CCDC148: variants seen among roughly 807,000 people sequenced by gnomAD.
CCDC148 encodes coiled-coil domain containing 148.
Under a neutral mutation model 85.7 loss-of-function variants are expected in CCDC148, and 89 were observed. The observed-to-expected ratio is 1.04, with a 90% confidence interval of 0.87 to 1.24. The LOEUF (loss-of-function observed/expected upper bound fraction) is 1.24. CCDC148 is among the 50% of genes most tolerant of loss of function. The probability of loss-of-function intolerance (pLI) is 0.00; values close to 1 mark genes in which losing one functional copy is unlikely to be tolerated. For synonymous variants in CCDC148, 230 were observed against 213.9 expected (o/e 1.08, Z -0.66); for missense variants, 692 against 671.7 (o/e 1.03, Z -0.33).
chr2:158,421,651 G>T (rs1686789048), intron 1 of CCDC148, among the ~76,000 whole-genome samples: 1 of 151,876 alleles, frequency 6.6e-6, no homozygotes. Flanking sequence ...GATTTGAAAT[G>T]GACACCCTAA....
At chr2:158,340,130 T>C (rs929386607) in intron 5 of CCDC148, 112 bp downstream of exon 5, 2 of 738,616 alleles carry the variant, frequency 2.7e-6, no homozygotes, top group Non-Finnish European at 4.1e-6. Flanking sequence ...ATTATTTATG[T>C]ATTAATATTA....
At chr2:158,350,606 A>G (rs1245760255) in intron 2 of CCDC148, among the ~76,000 whole-genome samples, 1 of 152,228 alleles carries the variant, frequency 6.6e-6, no homozygotes, top group Non-Finnish European at 1.5e-5. Flanking sequence ...AAAAGTATCT[A>G]TGCTTGAAGT....
chr2:158,289,238 T>A (rs537856941), intron 9 of CCDC148, among the ~76,000 whole-genome samples: 1 of 152,138 alleles, frequency 6.6e-6, no homozygotes, highest in Non-Finnish European at 1.5e-5. Flanking sequence ...TACATAAAAA[T>A]TGTAAATGTT....
chr2:158,264,356 A>G (rs997473782), intron 9 of CCDC148, among the ~76,000 whole-genome samples: 1 of 152,102 alleles, frequency 6.6e-6, no homozygotes, highest in Non-Finnish European at 1.5e-5. Flanking sequence ...GAGACCAAGA[A>G]TGGAATGTGA....
At chr2:158,421,615 A>C (rs563413832) in intron 1 of CCDC148, among the ~76,000 whole-genome samples, 1 of 152,352 alleles carries the variant, frequency 6.6e-6, no homozygotes, top group East Asian at 1.9e-4. Flanking sequence ...TTATAGCACT[A>C]AATGCCCACA....
intron 7 of CCDC148, among the ~76,000 whole-genome samples, chr2:158,327,471 A>G (rs1283410866): frequency 6.6e-6 from 1 of 152,180 alleles, no homozygotes; most frequent in African/African-American, 2.4e-5. Flanking sequence ...TGATCACATG[A>G]GCAACGTGAA....
chr2:158,258,053 C>T (rs1307117925), intron 9 of CCDC148, among the ~76,000 whole-genome samples: 1 of 151,794 alleles, frequency 6.6e-6, no homozygotes, highest in Non-Finnish European at 1.5e-5. Context: ...ATTAAGAGGA[C>T]TAGATCAGTA....
chr2:158,398,918 A>T (rs1318704148), intron 1 of CCDC148, among the ~76,000 whole-genome samples: 3 of 152,218 alleles, frequency 2.0e-5, no homozygotes, highest in African/African-American at 7.2e-5. Flanking sequence ...AATCAAATAG[A>T]CACAACAAAA....
At chr2:158,431,527 G>A (rs1330530328) in intron 1 of CCDC148, among the ~76,000 whole-genome samples, 1 of 150,598 alleles carries the variant, frequency 6.6e-6, no homozygotes, top group African/African-American at 2.4e-5. Context: ...TCCTACACAC[G>A]CTGTGAAATA....
Position 158,338,706 on chromosome 2 carries a change from A to T in CCDC148, c.764+20T>A. The T allele has an allele frequency of 6.4e-7, 1 of 1,564,622 alleles. No individual in the cohort carries two copies. The highest frequency in any genetic ancestry group is 2.2e-5 in the East Asian group (1 of 44,482). On this transcript the variant is annotated intron_variant, in intron 7 of 13. Coordinates refer to ENST00000283233, the MANE Select transcript of CCDC148 (RefSeq NM_138803.4). ...AGTTAGTGTCAAAAGTCTACACAGG[A>T]CTCAGTTTTATCTTATCACCTGTAT...
At chr2:158,319,848 G>A (rs1692444646) in intron 7 of CCDC148, among the ~76,000 whole-genome samples, 1 of 152,096 alleles carries the variant, frequency 6.6e-6, no homozygotes, top group Admixed American at 6.5e-5. Context: ...ATTGTGGGCA[G>A]ACCAATGATG....
chr2:158,208,815 A>C (rs1178249424), intron 11 of CCDC148, among the ~76,000 whole-genome samples: 4 of 152,184 alleles, frequency 2.6e-5, no homozygotes, highest in African/African-American at 9.7e-5. Flanking sequence ...TTTTACCACA[A>C]AATTTAACTA....
At chr2:158,232,374 C>T (rs1687895752) in intron 10 of CCDC148, among the ~76,000 whole-genome samples, 1 of 151,982 alleles carries the variant, frequency 6.6e-6, no homozygotes, top group South Asian at 2.1e-4. Flanking sequence ...TTATATCCTA[C>T]CTTACTTTTG....
At chr2:158,190,153 C>T (rs1329553653) in intron 11 of CCDC148, among the ~76,000 whole-genome samples, 1 of 151,772 alleles carries the variant, frequency 6.6e-6, no homozygotes, top group Non-Finnish European at 1.5e-5. Context: ...GTGTCAGTTC[C>T]TTTTGAGAAT....
chr2:158,336,669 G>A (rs762469921), intron 7 of CCDC148, among the ~76,000 whole-genome samples: 6 of 152,092 alleles, frequency 3.9e-5, no homozygotes, highest in Non-Finnish European at 8.8e-5. Context: ...TAGAATTTAT[G>A]AACTTTATAT....
At chr2:158,294,054 T>TTCCC (rs1691048489) in intron 9 of CCDC148, among the ~76,000 whole-genome samples, 4 of 95,932 alleles carry the variant, frequency 4.2e-5, no homozygotes, top group African/African-American at 1.6e-4. Context: ...CCTTCCTTCC[T>TTCCC]TCCTTCCTTC....
At chr2:158,351,171 C>G (rs921249517) in intron 2 of CCDC148, among the ~76,000 whole-genome samples, 12 of 152,186 alleles carry the variant, frequency 7.9e-5, no homozygotes, top group Non-Finnish European at 1.8e-4. Context: ...TTGATAAACA[C>G]TGACTCCTCT....
chr2:158,367,016 C>G (rs1277762175), intron 1 of CCDC148, among the ~76,000 whole-genome samples: 1 of 152,086 alleles, frequency 6.6e-6, no homozygotes, highest in Non-Finnish European at 1.5e-5. Context: ...TTATTATAGC[C>G]TCCCCCTCCC....
chr2:158,366,334 TA>T (rs1267066886), intron 1 of CCDC148, among the ~76,000 whole-genome samples: 2 of 152,204 alleles, frequency 1.3e-5, no homozygotes, highest in East Asian at 3.9e-4. Flanking sequence ...CAGTGACTGA[TA>T]AAAAATTTGT....
Sources: allele counts gnomAD v4.1 joint callset (sites outside exome capture counted in the v4.1 genomes callset), GRCh38; gene constraint gnomAD v4.1.1; transcripts MANE v1.5; gene names NCBI Gene and HGNC (gene_info 2026-07-23, HGNC 2026-07-21).